Variants in SIPA1L3 observed in about 807,000 individuals in gnomAD.
The protein encoded by SIPA1L3 is signal induced proliferation associated 1 like 3.
In SIPA1L3, 59 loss-of-function variants were observed where a neutral mutation model predicts 150.1. That is an observed-to-expected ratio of 0.39 (90% CI 0.32 to 0.49). The LOEUF is 0.49. Ranked by LOEUF, SIPA1L3 falls within the 20% of genes least tolerant of loss-of-function variation. The pLI, the probability that SIPA1L3 is intolerant of heterozygous loss-of-function variation, is 0.86. For missense variants in SIPA1L3, 2,211 were observed against 2,489.5 expected, an observed-to-expected ratio of 0.89 and a Z score of 2.38; for synonymous variants, 1,070 against 1,077.6, an observed-to-expected ratio of 0.99 and a Z score of 0.14.
In SIPA1L3 at chr19:38,067,027, G is replaced by A. The variant is rs376510279; in HGVS notation, c.-310-14229G>A. The stretch of plus-strand genomic sequence containing the variant: ...CAAGATGGGAGGATCACTTAAGCCC[G>A]GGAGTTCAAGACCAGCCTGGGCAAC... On this transcript the variant is annotated intron_variant, in intron 2 of 21. Transcript: ENST00000222345. Among the ~76,000 whole-genome samples the A allele has an allele frequency of 2.1e-3, 320 of 149,798 alleles. 5 individuals carry two copies. The South Asian group carries it at 0.028, about 13-fold the overall frequency.
intron 1 of SIPA1L3, among the ~76,000 whole-genome samples, chr19:37,934,460 C>A (rs1302363522): frequency 3.3e-5 from 5 of 152,126 alleles, no homozygotes; most frequent in African/African-American, 1.2e-4. Context: ...ACTGTGGGCA[C>A]AGTAGTTCTC....
chr19:38,195,826 C>A (rs1359368784), intron 18 of SIPA1L3, among the ~76,000 whole-genome samples: 1 of 143,570 alleles, frequency 7.0e-6, no homozygotes, highest in African/African-American at 2.5e-5. Context: ...CTCTCACCCC[C>A]CTCCGTCCCT....
intron 1 of SIPA1L3, among the ~76,000 whole-genome samples, chr19:38,016,807 G>A (rs894466922): frequency 5.5e-5 from 8 of 146,500 alleles, no homozygotes; most frequent in African/African-American, 1.5e-4. Flanking sequence ...AGTGATTATC[G>A]ATATATTTGG....
At chr19:38,002,996 A>G (rs975184122) in intron 1 of SIPA1L3, among the ~76,000 whole-genome samples, 12 of 151,972 alleles carry the variant, frequency 7.9e-5, no homozygotes, top group African/African-American at 2.7e-4. Context: ...ATACAAAAAA[A>G]TTAGCCAGGC....
intron 2 of SIPA1L3, among the ~76,000 whole-genome samples, chr19:38,036,242 G>A (rs910911753): frequency 3.9e-5 from 6 of 152,250 alleles, no homozygotes; most frequent in African/African-American, 1.4e-4. Context: ...AGCCGGGAGG[G>A]CACAGCCCCA....
intron 7 of SIPA1L3, among the ~76,000 whole-genome samples, chr19:38,108,990 CA>C (rs1048216439): frequency 1.3e-4 from 18 of 143,062 alleles, no homozygotes; most frequent in South Asian, 2.2e-4. Context: ...ACTCAGTCTC[CA>C]AAAAAAAAAG....
intron 13 of SIPA1L3, among the ~76,000 whole-genome samples, chr19:38,153,526 C>T (rs140094717): frequency 5.1e-4 from 77 of 150,608 alleles, no homozygotes; most frequent in African/African-American, 1.7e-3. Context: ...AAAAATTAGC[C>T]GGGCATGGTG....
chr19:38,159,886 G>A (rs1972038854), intron 13 of SIPA1L3, among the ~76,000 whole-genome samples: 2 of 152,224 alleles, frequency 1.3e-5, no homozygotes, highest in African/African-American at 4.8e-5. Context: ...GTGATCAAAA[G>A]TCAGCTTTGG....
intron 8 of SIPA1L3, 43 bp downstream of exon 8, chr19:38,110,427 G>A (rs1418361134): frequency 1.3e-6 from 2 of 1,581,436 alleles, no homozygotes; most frequent in Non-Finnish European, 1.7e-6. Flanking sequence ...ATGGAGAGAG[G>A]GGCAGGCAGC....
intron 2 of SIPA1L3, among the ~76,000 whole-genome samples, chr19:38,072,527 G>A (rs945111969): frequency 6.6e-6 from 1 of 152,218 alleles, no homozygotes; most frequent in Non-Finnish European, 1.5e-5. Flanking sequence ...TTCTCCCATG[G>A]TTACGAGACA....
At chr19:38,097,114 C>T (rs970431488) in intron 4 of SIPA1L3, among the ~76,000 whole-genome samples, 3 of 152,110 alleles carry the variant, frequency 2.0e-5, no homozygotes, top group African/African-American at 4.8e-5. Context: ...TTCAGGAGGC[C>T]GAGGCAGGAG....
At chr19:38,011,254 C>T (rs541877328) in intron 1 of SIPA1L3, among the ~76,000 whole-genome samples, 10 of 152,148 alleles carry the variant, frequency 6.6e-5, no homozygotes, top group East Asian at 1.9e-4. Context: ...GTGGGAGGAT[C>T]GCTTGAGCCC....
In SIPA1L3 at chr19:38,088,797, C is replaced by A; in HGVS notation, c.1611C>A (p.Asp537Glu). Residue 537 changes from aspartate to glutamate, a missense_variant, in exon 4 of 22, where the codon GAC becomes GAA. By Grantham distance (45) the Asp-to-Glu change is conservative (BLOSUM62 2). This residue lies in a region of SIPA1L3 where 625 missense variants were observed against 804.2 expected (regional missense o/e 0.78). Transcript: ENST00000222345. ...AVSIKREKLEDHKEHGPQYQY... is the reference protein window; with the variant it reads ...AVSIKREKLEEHKEHGPQYQY... ...GCATTAAGCGGGAGAAGCTGGAAGACCACAAGGAGCACGGACCTCAGTACC... is the reference window on the plus strand; with the variant it reads ...GCATTAAGCGGGAGAAGCTGGAAGAACACAAGGAGCACGGACCTCAGTACC... 2 of 1,614,084 alleles carry A rather than the reference C, an allele frequency of 1.2e-6. No individual in the cohort carries two copies. The highest frequency in any genetic ancestry group is 1.7e-6 in the Non-Finnish European group (2 of 1,179,990).
At chr19:38,044,406 G>A (rs369239108) in intron 2 of SIPA1L3, among the ~76,000 whole-genome samples, 53 of 152,240 alleles carry the variant, frequency 3.5e-4, no homozygotes, top group African/African-American at 1.3e-3. Flanking sequence ...GAAGCTGTGC[G>A]GAGAGACGGC....
At chr19:38,012,000 G>A (rs1381399534) in intron 1 of SIPA1L3, among the ~76,000 whole-genome samples, 1 of 152,128 alleles carries the variant, frequency 6.6e-6, no homozygotes, top group South Asian at 2.1e-4. Flanking sequence ...CCATGTGTCT[G>A]CATCATTGCT....
intron 16 of SIPA1L3, among the ~76,000 whole-genome samples, chr19:38,184,112 G>GT: frequency 6.6e-6 from 1 of 152,296 alleles, no homozygotes. Context: ...GTTCTAAGTG[G>GT]TTTGATGCGA....
chr19:38,035,011 C>G (rs540170631), intron 2 of SIPA1L3, among the ~76,000 whole-genome samples: 1 of 152,298 alleles, frequency 6.6e-6, no homozygotes, highest in Non-Finnish European at 1.5e-5. Context: ...GGAAGCAGAC[C>G]TTCAGACCCC....
At position 38,103,851 on chromosome 19, in the gene SIPA1L3, G is replaced by A. The variant is rs542881098; in HGVS notation, c.2029+2625G>A. Among the ~76,000 whole-genome samples, 45 of 139,364 alleles carry A rather than the reference G, an allele frequency of 3.2e-4. 1 individual carries two copies. Among genetic ancestry groups the A allele is most frequent in the South Asian group, 4.4e-4 (2 of 4,510 alleles). 91.4% of individuals were successfully genotyped at this position (139,364 alleles called of 152,430 possible). A position where few individuals can be genotyped will look rare whatever the true frequency, so the allele number is the denominator to read the frequency against. On this transcript the variant is annotated intron_variant, in intron 6 of 21. Transcript: ENST00000222345. ...CGCAAGGTGGAGCTTGCAATGAGCC[G>A]AGATCGCACCACCGCACTCCAGCCT...
At chr19:38,097,628 C>T (rs1274634701) in intron 4 of SIPA1L3, among the ~76,000 whole-genome samples, 2 of 152,198 alleles carry the variant, frequency 1.3e-5, no homozygotes, top group South Asian at 2.1e-4. Flanking sequence ...ACGATCTCAG[C>T]TCATTGCAAC....
Sources: allele counts gnomAD v4.1 joint callset (sites outside exome capture counted in the v4.1 genomes callset), GRCh38; gene constraint gnomAD v4.1.1; regional missense constraint gnomAD v4.1.1; transcripts MANE v1.5; gene names NCBI Gene and HGNC (gene_info 2026-07-23, HGNC 2026-07-21).